The following EFHC1 variants were observed in gnomAD, a reference collection of about 807,000 sequenced individuals.
EFHC1 encodes EF-hand domain-containing protein 1.
A neutral mutation model predicts 69.9 loss-of-function variants in EFHC1; 53 were observed. The observed-to-expected ratio is 0.76, with a 90% CI of 0.61 to 0.95. The LOEUF (loss-of-function observed/expected upper bound fraction) is 0.95. EFHC1 is among the 40% of genes least tolerant of loss of function. The probability of loss-of-function intolerance (pLI) is 0.00; values close to 1 mark genes in which losing one functional copy is unlikely to be tolerated. For missense variants in EFHC1, 739 were observed against 798.7 expected (o/e 0.93, Z 0.90); for synonymous variants, 256 against 278.4 (o/e 0.92, Z 0.80).
At chr6:52,452,517 A>G (rs1764936812) in intron 3 of EFHC1, among the ~76,000 whole-genome samples, 171 bp from the exon 4 acceptor site, 1 of 152,098 alleles carries the variant, frequency 6.6e-6, no homozygotes, top group South Asian at 2.1e-4. Flanking sequence ...GCTCAGGCTG[A>G]TTGTGAACTC....
chr6:52,450,768 C>A (rs2113992185), intron 3 of EFHC1, among the ~76,000 whole-genome samples: 1 of 152,026 alleles, frequency 6.6e-6, no homozygotes, highest in Non-Finnish European at 1.5e-5. Flanking sequence ...GCTTGTTATT[C>A]TGCATTGTGG....
At chr6:52,474,906 C>T (rs947762703) in intron 7 of EFHC1, among the ~76,000 whole-genome samples, 2 of 151,986 alleles carry the variant, frequency 1.3e-5, no homozygotes, top group African/African-American at 4.8e-5. Context: ...TTGGGAGGTT[C>T]TGGCAGCGTT....
In EFHC1 at chr6:52,420,461, T is replaced by C. The variant is rs780908542; in HGVS notation, c.51T>C (p.Phe17=). 6 of 1,614,180 alleles carry C rather than the reference T, an allele frequency of 3.7e-6. No individual in the cohort carries two copies. The highest frequency in any genetic ancestry group is 5.1e-6 in the Non-Finnish European group (6 of 1,180,010). Residue 17 remains phenylalanine (F), a synonymous_variant, in exon 1 of 11, where the codon TTT becomes TTC. Transcript: ENST00000371068. ...TGCCCTTTCTTCCGGGCACGTCCTTTAAGGACTCTACGGTGAGCAGTTATC... is the reference window on the plus strand; with the variant it reads ...TGCCCTTTCTTCCGGGCACGTCCTTCAAGGACTCTACGGTGAGCAGTTATC... The part of the protein sequence containing the change: ...HGLPFLPGTS[F]KDSTKTAFHR...
At chr6:52,460,735 T>G (rs1278826870) in intron 5 of EFHC1, among the ~76,000 whole-genome samples, 1 of 151,928 alleles carries the variant, frequency 6.6e-6, no homozygotes, top group Non-Finnish European at 1.5e-5. Flanking sequence ...GAGAAAAAAA[T>G]AAGAGTTTAA....
At chr6:52,474,140 C>T (rs1765495857) in intron 7 of EFHC1, among the ~76,000 whole-genome samples, 1 of 152,126 alleles carries the variant, frequency 6.6e-6, no homozygotes, top group Admixed American at 6.5e-5. Context: ...TAATGAGACC[C>T]TATCGCTACA....
chr6:52,454,097 C>CCTTCGATTCTATGCA lies in EFHC1; in HGVS notation c.727_741dup (p.Leu243_Ala247dup). The CCTTCGATTCTATGCA allele has an allele frequency of 2.5e-6, 4 of 1,613,088 alleles. No individual in the cohort carries two copies. The highest frequency in any genetic ancestry group is 3.4e-6 in the Non-Finnish European group (4 of 1,179,948). ...TCACTACTTTGGATTCTTCAAAGGT[C>CCTTCGATTCTATGCA]CTTCGATTCTATGCAATCTGGGATG... On this transcript the variant is annotated inframe_insertion, in exon 5 of 11. Transcript: ENST00000371068.
At chr6:52,435,339 G>T (rs970545556) in intron 2 of EFHC1, among the ~76,000 whole-genome samples, 1 of 152,068 alleles carries the variant, frequency 6.6e-6, no homozygotes, top group Non-Finnish European at 1.5e-5. Context: ...AAAAATGTTT[G>T]CATTATCCTT....
At chr6:52,445,416 A>T (rs897549767) in intron 3 of EFHC1, among the ~76,000 whole-genome samples, 3 of 151,904 alleles carry the variant, frequency 2.0e-5, no homozygotes, top group African/African-American at 7.3e-5. Flanking sequence ...GTCGTCTAGC[A>T]TTAGGTATAT....
At chr6:52,453,318 C>T (rs758381952) in intron 4 of EFHC1, 3 of 1,287,254 alleles carry the variant, frequency 2.3e-6, no homozygotes, top group South Asian at 1.2e-5. Context: ...ATATTGGAGT[C>T]CAGAATGTTC....
At chr6:52,440,479 C>CATGTAT (rs1349645397) in intron 3 of EFHC1, among the ~76,000 whole-genome samples, 1 of 151,900 alleles carries the variant, frequency 6.6e-6, no homozygotes, top group South Asian at 2.1e-4. Context: ...CTGGCACCTT[C>CATGTAT]ATGTATATGT....
At chr6:52,453,499 G>A in intron 4 of EFHC1, 1 of 1,286,380 alleles carries the variant, frequency 7.8e-7, no homozygotes, top group Non-Finnish European at 1.0e-6. Context: ...ACCCCTTTTA[G>A]TTCAGAAAAT....
At chr6:52,445,874 GTGAGTT>G (rs1419723953) in intron 3 of EFHC1, among the ~76,000 whole-genome samples, 1 of 152,214 alleles carries the variant, frequency 6.6e-6, no homozygotes, top group African/African-American at 2.4e-5. Context: ...GTGGTTTTGA[GTGAGTT>G]TCTTAATCCT....
intron 2 of EFHC1, among the ~76,000 whole-genome samples, chr6:52,436,379 T>A (rs1309704116): frequency 7.4e-6 from 1 of 135,960 alleles, no homozygotes; most frequent in Non-Finnish European, 1.7e-5. Flanking sequence ...ACGCTACCCA[T>A]TTTTTTTTTT....
At chr6:52,448,353 G>A (rs1414235470) in intron 3 of EFHC1, among the ~76,000 whole-genome samples, 1 of 152,244 alleles carries the variant, frequency 6.6e-6, no homozygotes, top group Non-Finnish European at 1.5e-5. Context: ...GGCTCTGTGG[G>A]TGTGGGACCC....
Position 52,454,302 on chromosome 6 carries a change from G to A in EFHC1, c.916+15G>A, listed in dbSNP as rs778467916. On this transcript the variant is annotated intron_variant, in intron 5 of 10. Coordinates refer to ENST00000371068, the MANE Select transcript of EFHC1 (RefSeq NM_018100.4). ...GGAAAATGCAAGTATGTTTGATTCAGTTTATTCTCTGTTACTTGGGATGTT... is the reference window on the plus strand; with the variant it reads ...GGAAAATGCAAGTATGTTTGATTCAATTTATTCTCTGTTACTTGGGATGTT... 3 of 1,613,900 alleles carry A rather than the reference G, an allele frequency of 1.9e-6. No individual in the cohort carries two copies. Among genetic ancestry groups the A allele is most frequent in the Non-Finnish European group, 2.5e-6 (3 of 1,179,836 alleles).
At chr6:52,490,461 T>G in intron 10 of EFHC1, 111 bp downstream of exon 10, 1 of 871,752 alleles carries the variant, frequency 1.1e-6, no homozygotes, top group South Asian at 1.4e-5. Flanking sequence ...TTTAGGATGT[T>G]CAGATCAGAT....
intron 1 of EFHC1, among the ~76,000 whole-genome samples, chr6:52,422,483 T>C (rs1260917485): frequency 6.6e-6 from 1 of 152,170 alleles, no homozygotes; most frequent in African/African-American, 2.4e-5. Flanking sequence ...TTATATACAG[T>C]TTATAACCCT....
At position 52,424,006 on chromosome 6, in the gene EFHC1, C is replaced by A. The variant is rs748229072; in HGVS notation, c.124C>A (p.Arg42Ser). The A allele has an allele frequency of 1.2e-6, 2 of 1,614,118 alleles. No individual in the cohort carries two copies. The highest frequency in any genetic ancestry group is 1.1e-5 in the South Asian group (1 of 91,080). The part of the protein sequence containing the change: ...SYRNGYAIVR[R>S]PTVGIGGDRL... ...CAGGAACGGCTATGCAATTGTTCGA[C>A]GTCCAACAGTTGGGATAGGCGGAGA... is the stretch of plus-strand genomic sequence containing the variant. The change falls in exon 2 of 11, where the codon CGT becomes AGT. Residue 42 changes from arginine (R) to serine (S), a missense_variant. Transcript: ENST00000371068.
chr6:52,474,060 C>A (rs1344550906), intron 7 of EFHC1, among the ~76,000 whole-genome samples: 1 of 152,100 alleles, frequency 6.6e-6, no homozygotes, highest in African/African-American at 2.4e-5. Context: ...CAGTGATTCA[C>A]ACCTGTTTTC....
Sources: allele counts gnomAD v4.1 joint callset (sites outside exome capture counted in the v4.1 genomes callset), GRCh38; gene constraint gnomAD v4.1.1; transcripts MANE v1.5; gene names NCBI Gene and HGNC (gene_info 2026-07-23, HGNC 2026-07-21).